PRKN: variants seen among roughly 807,000 people sequenced by gnomAD.
PRKN encodes E3 ubiquitin-protein ligase parkin.
PRKN carries 56 observed loss-of-function variants against 59.5 expected under a neutral mutation model. The observed-to-expected ratio is 0.94, with a 90% confidence interval of 0.76 to 1.18. The LOEUF (loss-of-function observed/expected upper bound fraction) is 1.18, where lower values mean the gene tolerates loss of function less well. Among genes scored for constraint, PRKN ranks in the 50% most tolerant of loss-of-function variants. PRKN has a pLI of 0.00. For missense variants in PRKN, 657 were observed against 596.4 expected (o/e 1.10, Z -1.06); for synonymous variants, 250 against 222.1 (o/e 1.13, Z -1.12).
chr6:162,551,720 G>T (rs961528429), intron 1 of PRKN, among the ~76,000 whole-genome samples: 1 of 152,154 alleles, frequency 6.6e-6, no homozygotes, highest in Admixed American at 6.5e-5. Flanking sequence ...CCTCATCGTT[G>T]TAACATGTAT....
intron 7 of PRKN, among the ~76,000 whole-genome samples, chr6:161,675,099 A>G (rs1237075079): frequency 6.6e-6 from 1 of 152,198 alleles, no homozygotes; most frequent in Non-Finnish European, 1.5e-5. Flanking sequence ...GGAGTCATAC[A>G]TCCCTGAAGA....
intron 7 of PRKN, among the ~76,000 whole-genome samples, chr6:161,692,267 C>G (rs964345800): frequency 1.3e-5 from 2 of 151,664 alleles, no homozygotes; most frequent in Non-Finnish European, 2.9e-5. Context: ...AATTATATAC[C>G]AAGAGGAAAA....
rs140665924 is a variant in PRKN, at chr6:161,556,543, G to A, written c.934-7540C>T. The stretch of plus-strand genomic sequence containing the variant: ...GATCCTTTTAACCATTTACTGGCAC[G>A]AAGTTGAAAGCGCATTAATGGAGAT... On this transcript the variant is annotated intron_variant, in intron 8 of 11. Coordinates refer to ENST00000366898, the MANE Select transcript of PRKN (RefSeq NM_004562.3). 4.7e-4 allele frequency among the ~76,000 whole-genome samples: 72 copies of A among 152,254 alleles called. No individual in the cohort carries two copies. In the East Asian group the frequency reaches 0.011, roughly 24 times the overall value.
In PRKN at chr6:162,495,651, C is replaced by T. The variant is rs555758170; in HGVS notation, c.8-52178G>A. ...ATCTTGGTCCTCAGAGCCATGAGCC[C>T]TTGCAGATTCTCTGCCAGTGTCATC... On this transcript the variant is annotated intron_variant, in intron 1 of 11. Coordinates refer to ENST00000366898, the MANE Select transcript of PRKN (RefSeq NM_004562.3). Among the ~76,000 whole-genome samples the T allele has an allele frequency of 6.6e-5, 10 of 152,306 alleles. No individual in the cohort carries two copies. In the South Asian group the frequency reaches 1.0e-3, roughly 16 times the overall value.
At chr6:161,671,764 A>G (rs1554291057) in intron 7 of PRKN, among the ~76,000 whole-genome samples, 1 of 152,222 alleles carries the variant, frequency 6.6e-6, no homozygotes, top group Non-Finnish European at 1.5e-5. Context: ...AAGAGAAGAG[A>G]CAAAATGTAA....
chr6:162,049,225 TTCTAAGTACATGGATATTTTG>T (rs536846517), intron 5 of PRKN, among the ~76,000 whole-genome samples: 2,312 of 152,100 alleles, frequency 0.015, 58 homozygotes, highest in African/African-American at 0.053. Context: ...CTATTTTAAG[TTCTAAGTACATGGATATTTTG>T]TCTAAGTGAT....
intron 6 of PRKN, among the ~76,000 whole-genome samples, chr6:161,957,498 A>T (rs113563478): frequency 1.3e-4 from 20 of 148,778 alleles, no homozygotes; most frequent in Admixed American, 4.1e-4. Flanking sequence ...AATGTTGGCT[A>T]ACTGCAACCT....
chr6:161,688,131 T>C (rs1006705511), intron 7 of PRKN, among the ~76,000 whole-genome samples: 1 of 152,234 alleles, frequency 6.6e-6, no homozygotes, highest in Admixed American at 6.5e-5. Context: ...TTATTTAAGC[T>C]GCATTGCTTT....
At chr6:162,093,223 T>C (rs1779581408) in intron 4 of PRKN, among the ~76,000 whole-genome samples, 1 of 152,164 alleles carries the variant, frequency 6.6e-6, no homozygotes, top group South Asian at 2.1e-4. Context: ...GGTCTATAAC[T>C]TGTTCCTGTC....
intron 1 of PRKN, among the ~76,000 whole-genome samples, chr6:162,533,757 G>A (rs988544983): frequency 6.6e-6 from 1 of 151,964 alleles, no homozygotes; most frequent in African/African-American, 2.4e-5. Flanking sequence ...GATCACCTGA[G>A]GTCAGGAGTT....
chr6:161,523,322 A>G (rs1290073705), intron 9 of PRKN, among the ~76,000 whole-genome samples: 6 of 152,212 alleles, frequency 3.9e-5, no homozygotes, highest in African/African-American at 1.4e-4. Context: ...ATTTTAAGTC[A>G]GTGTGGTTTC....
chr6:162,504,849 C>CA (rs1423608458), intron 1 of PRKN, among the ~76,000 whole-genome samples: 1 of 151,704 alleles, frequency 6.6e-6, no homozygotes, highest in African/African-American at 2.4e-5. Flanking sequence ...TATGAAAATT[C>CA]AAAAAAAGGC....
At chr6:162,035,513 C>A (rs1298833179) in intron 5 of PRKN, among the ~76,000 whole-genome samples, 1 of 152,136 alleles carries the variant, frequency 6.6e-6, no homozygotes, top group Non-Finnish European at 1.5e-5. Flanking sequence ...ATATGCTTAA[C>A]TTAGGTGTTA....
chr6:161,798,919 C>T (rs993994182), intron 6 of PRKN, among the ~76,000 whole-genome samples: 2 of 152,162 alleles, frequency 1.3e-5, no homozygotes, highest in African/African-American at 4.8e-5. Flanking sequence ...GGCTCCCCCA[C>T]ACACTGCCCT....
At chr6:161,639,023 T>C (rs1783637158) in intron 7 of PRKN, among the ~76,000 whole-genome samples, 1 of 152,266 alleles carries the variant, frequency 6.6e-6, no homozygotes, top group East Asian at 1.9e-4. Flanking sequence ...ATTACAGGCG[T>C]GAACCACTGT....
intron 2 of PRKN, among the ~76,000 whole-genome samples, chr6:162,371,716 TCCTAA>T (rs1785779319): frequency 6.6e-6 from 1 of 152,292 alleles, no homozygotes. Context: ...TGCCTAAGAA[TCCTAA>T]CCTTTATTTT....
In PRKN at chr6:161,480,721, T is replaced by C. The variant is rs1348977787; in HGVS notation, c.1083+68133A>G. Among the ~76,000 whole-genome samples the C allele has an allele frequency of 6.6e-6, 1 of 152,216 alleles. No homozygotes were observed. The highest frequency in any genetic ancestry group is 1.5e-5 in the Non-Finnish European group (1 of 68,042). On this transcript the variant is annotated intron_variant, in intron 9 of 11. Transcript: ENST00000366898. This position sits in a 1 kb window ranked among gnomAD's most constrained non-coding sequence, Gnocchi z 4.1. ...AACGTCTAACCCATTACATGCTAAGTGAATGTTTTCTCTTGCCAGAAAGTA... is the reference window on the plus strand; with the variant it reads ...AACGTCTAACCCATTACATGCTAAGCGAATGTTTTCTCTTGCCAGAAAGTA...
intron 1 of PRKN, among the ~76,000 whole-genome samples, chr6:162,675,426 G>A (rs998591495): frequency 2.0e-5 from 3 of 152,254 alleles, no homozygotes; most frequent in East Asian, 1.9e-4. Flanking sequence ...ATGGAACTAA[G>A]ACACAGAAGC....
At chr6:162,590,301 T>C (rs993232948) in intron 1 of PRKN, among the ~76,000 whole-genome samples, 1 of 152,216 alleles carries the variant, frequency 6.6e-6, no homozygotes. Flanking sequence ...AAAATTTCCA[T>C]TCAGATTATT....
Sources: allele counts gnomAD v4.1 joint callset (sites outside exome capture counted in the v4.1 genomes callset), GRCh38; gene constraint gnomAD v4.1.1; non-coding constraint Gnocchi (gnomAD v3.1); transcripts MANE v1.5; gene names NCBI Gene and HGNC (gene_info 2026-07-23, HGNC 2026-07-21).